ITPR2: variants seen among roughly 807,000 people sequenced by gnomAD.
ITPR2 encodes the protein inositol 1,4,5-trisphosphate-gated calcium channel ITPR2.
In ITPR2, 207 loss-of-function variants were observed where a neutral mutation model predicts 317.1. That is an observed-to-expected ratio of 0.65 (90% CI 0.58 to 0.73). The LOEUF (loss-of-function observed/expected upper bound fraction) is 0.73, where lower values mean the gene tolerates loss of function less well. Ranked by LOEUF, ITPR2 falls within the 30% of genes least tolerant of loss-of-function variation. ITPR2 has a pLI of 0.00. For missense variants in ITPR2, 2,613 were observed against 3,284.0 expected (o/e 0.80, Z 4.99); for synonymous variants, 1,156 against 1,149.1 (o/e 1.01, Z -0.12).
chr12:26,575,050 T>G (rs918338203), intron 34 of ITPR2, among the ~76,000 whole-genome samples: 1 of 149,026 alleles, frequency 6.7e-6, no homozygotes, highest in Admixed American at 6.7e-5. Context: ...ACGAATGGGG[T>G]GAGTTCAGAT....
chr12:26,824,843 A>C (rs768431107), intron 1 of ITPR2, among the ~76,000 whole-genome samples: 19 of 152,322 alleles, frequency 1.2e-4, no homozygotes, highest in Non-Finnish European at 2.2e-4. Context: ...AAAGCTATAT[A>C]TTTTTAAACA....
intron 45 of ITPR2, among the ~76,000 whole-genome samples, chr12:26,463,485 G>C (rs1230284901): frequency 2.0e-5 from 3 of 151,946 alleles, no homozygotes; most frequent in Admixed American, 6.6e-5. Flanking sequence ...TGACAAACAT[G>C]GAGAAACCCG....
chr12:26,754,239 A>G (rs1295351027), intron 2 of ITPR2, among the ~76,000 whole-genome samples: 1 of 152,214 alleles, frequency 6.6e-6, no homozygotes, highest in Non-Finnish European at 1.5e-5. Context: ...GTCAGATATT[A>G]AGTTTGCTAA....
intron 37 of ITPR2, among the ~76,000 whole-genome samples, chr12:26,539,185 T>C (rs1388725877): frequency 6.6e-6 from 1 of 152,202 alleles, no homozygotes; most frequent in South Asian, 2.1e-4. Flanking sequence ...CCCAGTCTTA[T>C]CCAGAGCCTT....
intron 32 of ITPR2, among the ~76,000 whole-genome samples, chr12:26,594,476 T>C (rs1414021026): frequency 6.6e-6 from 1 of 151,938 alleles, no homozygotes; most frequent in Admixed American, 6.6e-5. Flanking sequence ...CATCTGTTCT[T>C]GTAATTGAGA....
intron 37 of ITPR2, among the ~76,000 whole-genome samples, chr12:26,511,743 G>A (rs1199895011): frequency 6.6e-6 from 1 of 152,206 alleles, no homozygotes; most frequent in African/African-American, 2.4e-5. Flanking sequence ...TGGGACCAAT[G>A]TGTAAACATG....
At chr12:26,529,494 T>C (rs1248733223) in intron 37 of ITPR2, among the ~76,000 whole-genome samples, 1 of 152,212 alleles carries the variant, frequency 6.6e-6, no homozygotes, top group Non-Finnish European at 1.5e-5. Context: ...ATGCATTCTC[T>C]TAACACCCCA....
intron 42 of ITPR2, among the ~76,000 whole-genome samples, chr12:26,483,025 G>A (rs1464941267): frequency 1.3e-5 from 2 of 152,122 alleles, no homozygotes; most frequent in Non-Finnish European, 2.9e-5. Flanking sequence ...ACTTTCAGGT[G>A]GCATCCCTTA....
chr12:26,391,555 C>CTT (rs1491173931), intron 54 of ITPR2, among the ~76,000 whole-genome samples: 2,098 of 70,752 alleles, frequency 0.03, 439 homozygotes, highest in African/African-American at 0.068. Flanking sequence ...TTCTTCTTTT[C>CTT]CTTTTTTTTT....
intron 37 of ITPR2, among the ~76,000 whole-genome samples, chr12:26,498,781 G>C (rs1250858057): frequency 6.6e-6 from 1 of 152,180 alleles, no homozygotes; most frequent in Non-Finnish European, 1.5e-5. Flanking sequence ...GAAGAGGACT[G>C]AACCCTTGAG....
At chr12:26,407,836 G>C (rs2136664322) in intron 52 of ITPR2, among the ~76,000 whole-genome samples, 1 of 152,264 alleles carries the variant, frequency 6.6e-6, no homozygotes. Flanking sequence ...TATCTCACAG[G>C]GTTGTTGTGA....
chr12:26,784,332 C>CTCTCG (rs1950161439), intron 2 of ITPR2, among the ~76,000 whole-genome samples: 3 of 46,042 alleles, frequency 6.5e-5, no homozygotes, highest in Admixed American at 2.1e-4. Flanking sequence ...TCTCCCTCTC[C>CTCTCG]CTCTCCCTCT....
chr12:26,723,257 G>C (rs1047309356), intron 4 of ITPR2, among the ~76,000 whole-genome samples: 7 of 151,910 alleles, frequency 4.6e-5, no homozygotes, highest in African/African-American at 1.7e-4. Context: ...ATATAAGTAA[G>C]AAATTATCTC....
intron 55 of ITPR2, among the ~76,000 whole-genome samples, chr12:26,380,957 C>T (rs1372554958): frequency 1.3e-5 from 2 of 152,104 alleles, no homozygotes; most frequent in Admixed American, 1.3e-4. Flanking sequence ...AAAGTATGAC[C>T]TTTCTTTTTA....
At chr12:26,376,545 A>AT (rs1011883107) in intron 55 of ITPR2, among the ~76,000 whole-genome samples, 19 of 150,646 alleles carry the variant, frequency 1.3e-4, no homozygotes, top group Admixed American at 1.1e-3. Context: ...CTGCCTGTTT[A>AT]TTTTTTTTTC....
intron 1 of ITPR2, among the ~76,000 whole-genome samples, chr12:26,828,027 T>C (rs1183816384): frequency 1.3e-5 from 2 of 152,252 alleles, no homozygotes; most frequent in Admixed American, 1.3e-4. Flanking sequence ...CTCTATCACT[T>C]GTTTTTATAA....
intron 1 of ITPR2, among the ~76,000 whole-genome samples, chr12:26,812,487 G>A (rs1356958198): frequency 6.6e-6 from 1 of 152,086 alleles, no homozygotes; most frequent in Non-Finnish European, 1.5e-5. Flanking sequence ...GCTGAGGCAG[G>A]AGAATGGCGT....
At chr12:26,575,645 T>G (rs1429410606) in intron 34 of ITPR2, among the ~76,000 whole-genome samples, 1 of 152,222 alleles carries the variant, frequency 6.6e-6, no homozygotes, top group African/African-American at 2.4e-5. Context: ...GAAAAGGAAC[T>G]AAAATTTCCT....
chr12:26,388,778 G>C (rs988936283), intron 54 of ITPR2, among the ~76,000 whole-genome samples: 1 of 152,128 alleles, frequency 6.6e-6, no homozygotes, highest in Non-Finnish European at 1.5e-5. Flanking sequence ...ATATCTGTAT[G>C]GAAAATACTA....
Sources: gnomAD v4.1 joint callset for allele counts (sites outside exome capture counted in the v4.1 genomes callset) on GRCh38, gnomAD v4.1.1 for gene constraint, MANE v1.5 for transcripts, NCBI Gene and HGNC (gene_info 2026-07-23, HGNC 2026-07-21) for gene names.